Variants in STK10 observed in about 807,000 individuals in gnomAD.
STK10 encodes serine/threonine-protein kinase 10.
A neutral mutation model predicts 113.8 loss-of-function variants in STK10; 78 were observed. The ratio of observed to expected loss-of-function variants is 0.69; its 90% confidence interval spans 0.57 to 0.83. STK10 has a LOEUF of 0.83. Ranked by LOEUF, STK10 falls within the 40% of genes least tolerant of loss-of-function variation. The pLI is 0.00. For missense variants in STK10, 1,109 were observed against 1,280.1 expected (o/e 0.87, Z 2.04); for synonymous variants, 465 against 494.7 (o/e 0.94, Z 0.80).
At chr5:172,054,773 C>G in intron 16 of STK10, 79 bp from the exon 17 acceptor site, 1 of 1,583,552 alleles carries the variant, frequency 6.3e-7, no homozygotes, top group Non-Finnish European at 8.6e-7. Flanking sequence ...AGCCCTGGCC[C>G]AGGGAGACCC....
At chr5:172,086,300 T>C (rs1427658468) in intron 10 of STK10, among the ~76,000 whole-genome samples, 5 of 152,104 alleles carry the variant, frequency 3.3e-5, no homozygotes, top group Non-Finnish European at 7.4e-5. Context: ...GGGAAGACTG[T>C]CTGAGCCTCT....
At position 172,106,604 on chromosome 5, in the gene STK10, T is replaced by G. The variant is rs544821186; in HGVS notation, c.788+16A>C. ...GCGCAGGCACCCCGGCAGGTGGCCC[T>G]GCCCCTGCCCCTCACCACTTAGAGG... On this transcript the variant is annotated intron_variant, in intron 6 of 18. Coordinates refer to ENST00000176763, the MANE Select transcript of STK10 (RefSeq NM_005990.4). The G allele has an allele frequency of 2.7e-5, 43 of 1,607,862 alleles. No homozygotes were observed. The African/African-American group carries it at 4.1e-4, about 15-fold the overall frequency.
At chr5:172,159,184 G>A (rs758411337) in intron 1 of STK10, among the ~76,000 whole-genome samples, 2 of 152,172 alleles carry the variant, frequency 1.3e-5, no homozygotes, top group African/African-American at 2.4e-5. Context: ...CTGCGAGGAC[G>A]TTGGTGGGGA....
intron 12 of STK10, among the ~76,000 whole-genome samples, chr5:172,070,260 T>A (rs888222345): frequency 3.8e-3 from 357 of 92,738 alleles, no homozygotes; most frequent in African/African-American, 0.011. Context: ...AAAAAATATA[T>A]ATCTATATAT....
chr5:172,185,676 A>G (rs984010933), intron 1 of STK10, among the ~76,000 whole-genome samples: 3 of 152,258 alleles, frequency 2.0e-5, no homozygotes, highest in Non-Finnish European at 1.5e-5. Flanking sequence ...CACAGTAGTC[A>G]GAGCACAGCT....
intron 3 of STK10, among the ~76,000 whole-genome samples, chr5:172,123,238 CAG>C (rs61480925): frequency 0.015 from 2,277 of 152,336 alleles, 58 homozygotes; most frequent in African/African-American, 0.052. Context: ...CAACACTAAA[CAG>C]AGAGCTGCAA....
chr5:172,179,629 G>A (rs972472141), intron 1 of STK10, among the ~76,000 whole-genome samples: 7 of 124,986 alleles, frequency 5.6e-5, no homozygotes, highest in African/African-American at 2.1e-4. Flanking sequence ...GCCGAAGGGC[G>A]TCATCCACGG....
intron 3 of STK10, 123 bp from the exon 4 acceptor site, chr5:172,117,753 G>A (rs952432937): frequency 1.9e-5 from 25 of 1,342,970 alleles, no homozygotes; most frequent in Admixed American, 4.8e-5. Context: ...GGTGGCTCAC[G>A]CCTGTAATCC....
At chr5:172,098,928 TACCATCATCACCACCACC>T (rs1768915639) in intron 7 of STK10, among the ~76,000 whole-genome samples, 1 of 117,094 alleles carries the variant, frequency 8.5e-6, no homozygotes, top group Non-Finnish European at 1.9e-5. Context: ...TCATTACCAT[TACCATCATCACCACCACC>T]ACCATCATCA....
chr5:172,165,000 C>T (rs769094509), intron 1 of STK10, among the ~76,000 whole-genome samples: 4 of 152,208 alleles, frequency 2.6e-5, no homozygotes, highest in Non-Finnish European at 4.4e-5. Context: ...GGGAACAATC[C>T]TCCCCCTTGT....
At chr5:172,105,277 A>G (rs1769073326) in intron 7 of STK10, among the ~76,000 whole-genome samples, 1 of 151,014 alleles carries the variant, frequency 6.6e-6, no homozygotes, top group South Asian at 2.1e-4. Context: ...CTTCCTGTGG[A>G]CATCTGCTCA....
chr5:172,131,527 C>T (rs1219316586), intron 2 of STK10, among the ~76,000 whole-genome samples: 1 of 152,208 alleles, frequency 6.6e-6, no homozygotes, highest in Non-Finnish European at 1.5e-5. Context: ...AAGAGCTCCA[C>T]AACCCCTTGA....
At chr5:172,071,341 C>CA (rs58271522) in intron 12 of STK10, among the ~76,000 whole-genome samples, 19,116 of 53,818 alleles carry the variant, frequency 0.36, 4,996 homozygotes, top group African/African-American at 0.44. Context: ...GGATAGGTAG[C>CA]AAAAAAAAAA....
intron 9 of STK10, among the ~76,000 whole-genome samples, chr5:172,091,531 C>CTTTTTT (rs778673700): frequency 3.0e-5 from 4 of 131,878 alleles, no homozygotes; most frequent in African/African-American, 8.9e-5. Context: ...TTCAAAGCCT[C>CTTTTTT]TTTTTTTTTT....
intron 7 of STK10, among the ~76,000 whole-genome samples, chr5:172,099,618 C>T (rs1181650627): frequency 3.9e-5 from 6 of 152,124 alleles, no homozygotes; most frequent in African/African-American, 1.4e-4. Context: ...CCCCAGAGCA[C>T]AGCTTTTTGG....
At chr5:172,112,453 G>C (rs143258244) in intron 4 of STK10, among the ~76,000 whole-genome samples, 22 of 130,686 alleles carry the variant, frequency 1.7e-4, no homozygotes, top group Non-Finnish European at 2.0e-4. Context: ...ACAGAGTCTC[G>C]CATGTCACCC....
chr5:172,182,032 C>G (rs557413932), intron 1 of STK10, among the ~76,000 whole-genome samples: 4 of 152,136 alleles, frequency 2.6e-5, no homozygotes, highest in South Asian at 2.1e-4. Flanking sequence ...AAGGCCGGCT[C>G]GGTGGCTCAC....
intron 12 of STK10, among the ~76,000 whole-genome samples, chr5:172,077,762 T>C (rs910160683): frequency 1.2e-4 from 18 of 148,926 alleles, no homozygotes; most frequent in African/African-American, 4.0e-4. Context: ...TTTTTTTTTT[T>C]GGTGTGTGTT....
At chr5:172,111,471 C>T (rs1172217502) in intron 4 of STK10, among the ~76,000 whole-genome samples, 1 of 152,212 alleles carries the variant, frequency 6.6e-6, no homozygotes. Flanking sequence ...ACTTCCCCTT[C>T]TGCCCCACAC....
Sources: gnomAD v4.1 joint callset for allele counts (sites outside exome capture counted in the v4.1 genomes callset) on GRCh38, gnomAD v4.1.1 for gene constraint, MANE v1.5 for transcripts, NCBI Gene and HGNC (gene_info 2026-07-23, HGNC 2026-07-21) for gene names.